POU6F2: variants seen among roughly 807,000 people sequenced by gnomAD.
The protein encoded by POU6F2 is POU class 6 homeobox 2.
POU6F2 carries 31 observed loss-of-function variants against 71.3 expected under a neutral mutation model. The observed-to-expected ratio is 0.43, with a 90% CI of 0.33 to 0.59. The LOEUF is 0.59. POU6F2 is among the 20% of genes least tolerant of loss of function. The pLI is 0.04. For missense variants in POU6F2, 783 were observed against 856.8 expected (o/e 0.91, Z 1.07); for synonymous variants, 347 against 355.7 (o/e 0.98, Z 0.27).
At chr7:39,192,450 GACCCTCAC>G (rs1793688969) in intron 2 of POU6F2, among the ~76,000 whole-genome samples, 1 of 152,148 alleles carries the variant, frequency 6.6e-6, no homozygotes, top group Non-Finnish European at 1.5e-5. Flanking sequence ...TATCTTCATG[GACCCTCAC>G]AAATGGAAAA....
At chr7:39,336,893 G>T (rs1428779196) in intron 4 of POU6F2, among the ~76,000 whole-genome samples, 1 of 152,182 alleles carries the variant, frequency 6.6e-6, no homozygotes, top group Admixed American at 6.5e-5. Flanking sequence ...TTTAGCATTT[G>T]AGCACCATTT....
chr7:39,211,742 A>G (rs1034000843), intron 4 of POU6F2, among the ~76,000 whole-genome samples: 3 of 152,198 alleles, frequency 2.0e-5, no homozygotes, highest in Admixed American at 6.5e-5. Context: ...TAGAGCATCC[A>G]GCAAACCACA....
rs114535272 is a variant in POU6F2, at chr7:39,374,603, A to G, written c.973-31997A>G. ...TCAGCATAGAGATCCAGAGATTTCT[A>G]GTTTCCCCACAAGACACCTTTCCAT... is the stretch of plus-strand genomic sequence containing the variant. On this transcript the variant is annotated intron_variant, in intron 5 of 9. Transcript: ENST00000518318. 8.8e-3 allele frequency among the ~76,000 whole-genome samples: 1,348 copies of G among 152,348 alleles called. 13 individuals are homozygous for G. Among genetic ancestry groups the G allele is most frequent in the African/African-American group, 0.031 (1,299 of 41,578 alleles).
chr7:39,454,131 G>A (rs1240310164), intron 8 of POU6F2, among the ~76,000 whole-genome samples: 2 of 152,124 alleles, frequency 1.3e-5, no homozygotes, highest in African/African-American at 2.4e-5. Flanking sequence ...TTACTATAAA[G>A]GATATGATAA....
chr7:39,420,302 T>A (rs528859302), intron 6 of POU6F2, among the ~76,000 whole-genome samples: 1 of 152,360 alleles, frequency 6.6e-6, no homozygotes, highest in South Asian at 2.1e-4. Context: ...AGAATGTTTA[T>A]GTTTAAAAGG....
At chr7:39,031,151 G>A (rs1198342297) in intron 1 of POU6F2, among the ~76,000 whole-genome samples, 2 of 151,848 alleles carry the variant, frequency 1.3e-5, no homozygotes, top group Non-Finnish European at 2.9e-5. Context: ...CGCCCTCCTC[G>A]GCCTCCCAAA....
chr7:39,375,871 T>C (rs1282253262), intron 5 of POU6F2, among the ~76,000 whole-genome samples: 2 of 152,106 alleles, frequency 1.3e-5, no homozygotes, highest in East Asian at 3.9e-4. Flanking sequence ...TTTGTTGTTG[T>C]TGTTGTTTCT....
rs1273499772 is a variant in POU6F2, at chr7:39,465,584, G to A, written c.*898G>A. On this transcript the variant is annotated 3_prime_UTR_variant, in exon 10 of 10. Transcript: ENST00000518318. The stretch of plus-strand genomic sequence containing the variant: ...TTTCCTCCATTTCTCCATCTCCCTC[G>A]CGCGTGGCTCCTGGGGTCTGCTGGA... The A allele has an allele frequency of 6.6e-6, 1 of 152,096 alleles. No homozygotes were observed. The highest frequency in any genetic ancestry group is 1.5e-5 in the Non-Finnish European group (1 of 68,028). 9.4% of individuals were successfully genotyped at this position (152,096 alleles called of 1,614,324 possible). A position where few individuals can be genotyped will look rare whatever the true frequency, so the allele number is the denominator to read the frequency against.
chr7:39,106,254 A>C (rs773842516), intron 2 of POU6F2, among the ~76,000 whole-genome samples: 6 of 152,170 alleles, frequency 3.9e-5, no homozygotes, highest in Admixed American at 6.5e-5. Context: ...TGGCTATTAG[A>C]CCTAATACAG....
intron 1 of POU6F2, among the ~76,000 whole-genome samples, chr7:39,047,478 G>A (rs1790314979): frequency 6.6e-6 from 1 of 151,750 alleles, no homozygotes; most frequent in East Asian, 1.9e-4. Context: ...TATTGTGAAT[G>A]GAATTGTATT....
chr7:39,255,317 C>T (rs76845829), intron 4 of POU6F2, among the ~76,000 whole-genome samples: 1 of 152,092 alleles, frequency 6.6e-6, no homozygotes, highest in Non-Finnish European at 1.5e-5. Flanking sequence ...TATTAAAAGA[C>T]CAAAACAGGA....
chr7:39,108,006 G>T (rs945072091), intron 2 of POU6F2, among the ~76,000 whole-genome samples: 9 of 152,202 alleles, frequency 5.9e-5, no homozygotes, highest in African/African-American at 2.2e-4. Flanking sequence ...ACGTGGAAAG[G>T]GTAGAGTGTA....
chr7:39,327,718 T>C (rs78932579), intron 4 of POU6F2, among the ~76,000 whole-genome samples: 17,921 of 151,864 alleles, frequency 0.12, 1,302 homozygotes, highest in Non-Finnish European at 0.16. Context: ...CATATATATA[T>C]AGACATATAT....
rs189553858 is a variant in POU6F2, at chr7:39,422,459, G to A, written c.1114-10618G>A. On this transcript the variant is annotated intron_variant, in intron 6 of 9. Coordinates refer to ENST00000518318, the MANE Select transcript of POU6F2 (RefSeq NM_001370959.1). ...TGTGCCCTTGTTATAAATAACTGTGGGTGGAAATGTCCACTCACTTTTATT... is the reference window on the plus strand; with the variant it reads ...TGTGCCCTTGTTATAAATAACTGTGAGTGGAAATGTCCACTCACTTTTATT... 2.7e-4 allele frequency among the ~76,000 whole-genome samples: 41 copies of A among 152,188 alleles called. 2 individuals are homozygous for A. The highest frequency in any genetic ancestry group is 7.4e-5 in the Non-Finnish European group (5 of 68,008).
chr7:39,143,967 C>A (rs7457105), intron 2 of POU6F2, among the ~76,000 whole-genome samples: 1 of 152,156 alleles, frequency 6.6e-6, no homozygotes, highest in African/African-American at 2.4e-5. Flanking sequence ...TTTAGGAAGT[C>A]TAAAGAGGAG....
At chr7:39,065,776 T>C (rs1343674192) in intron 1 of POU6F2, among the ~76,000 whole-genome samples, 1 of 151,620 alleles carries the variant, frequency 6.6e-6, no homozygotes, top group Non-Finnish European at 1.5e-5. Context: ...AGTAAAATTA[T>C]AAAATTATTT....
intron 2 of POU6F2, among the ~76,000 whole-genome samples, chr7:39,144,417 A>C (rs532893807): frequency 6.6e-6 from 1 of 152,206 alleles, no homozygotes; most frequent in Non-Finnish European, 1.5e-5. Context: ...CTTTGGAGCT[A>C]TATCTTAATT....
chr7:39,289,657 G>C (rs1357609216), intron 4 of POU6F2, among the ~76,000 whole-genome samples: 1 of 152,164 alleles, frequency 6.6e-6, no homozygotes, highest in Non-Finnish European at 1.5e-5. Context: ...TGTTTTAAAA[G>C]AAAATGTATA....
chr7:39,192,793 A>T (rs936423337), intron 2 of POU6F2, among the ~76,000 whole-genome samples: 2 of 152,144 alleles, frequency 1.3e-5, no homozygotes, highest in African/African-American at 4.8e-5. Flanking sequence ...CAAATGTCTG[A>T]TACAAGTTAG....
Sources: allele counts gnomAD v4.1 joint callset (sites outside exome capture counted in the v4.1 genomes callset), GRCh38; gene constraint gnomAD v4.1.1; transcripts MANE v1.5; gene names NCBI Gene and HGNC (gene_info 2026-07-23, HGNC 2026-07-21).